Variants in RANBP2 observed in about 807,000 individuals in gnomAD.
RANBP2 encodes the protein RAN binding protein 2.
In RANBP2, 57 loss-of-function variants were observed where a neutral mutation model predicts 303.6. The observed-to-expected ratio is 0.19, with a 90% CI of 0.15 to 0.23. The LOEUF (loss-of-function observed/expected upper bound fraction) is 0.23, where lower values mean the gene tolerates loss of function less well. RANBP2 is among the 10% of genes least tolerant of loss of function. RANBP2 has a pLI of 1.00. For synonymous variants in RANBP2, 1,167 were observed against 1,301.5 expected (o/e 0.90, Z 2.23); for missense variants, 3,138 against 3,780.8 (o/e 0.83, Z 4.46).
At chr2:109,524,111 G>A in the RANBP2 span, among the ~76,000 whole-genome samples, 4 of 152,188 alleles carry the variant, frequency 2.6e-5, no homozygotes, top group Admixed American at 6.5e-5. Flanking sequence ...GTGGGCCTCC[G>A]TTCTGCACAT....
At chr2:109,190,370 C>T in the RANBP2 span, among the ~76,000 whole-genome samples, 124 of 152,308 alleles carry the variant, frequency 8.1e-4, 1 homozygote, top group South Asian at 9.9e-3. Flanking sequence ...GATGGGGTTT[C>T]GCCATGTTGG....
chr2:109,459,571 C>G, the RANBP2 span, among the ~76,000 whole-genome samples: 4 of 152,178 alleles, frequency 2.6e-5, no homozygotes, highest in Admixed American at 2.6e-4. Context: ...CCCAGACATG[C>G]TCTTGCCCAT....
chr2:109,090,906 CCA>C, the RANBP2 span, among the ~76,000 whole-genome samples: 1 of 152,094 alleles, frequency 6.6e-6, no homozygotes. Flanking sequence ...TACAATTTTC[CCA>C]CAACCTGCCA....
At chr2:109,501,170 G>A in the RANBP2 span, among the ~76,000 whole-genome samples, 6 of 152,080 alleles carry the variant, frequency 3.9e-5, no homozygotes, top group South Asian at 2.1e-4. Flanking sequence ...CTGGGAGGCC[G>A]CAGTCTAGGT....
chr2:109,208,789 A>G, the RANBP2 span, among the ~76,000 whole-genome samples: 2 of 152,196 alleles, frequency 1.3e-5, no homozygotes, highest in East Asian at 1.9e-4. Context: ...CTAGAAATAC[A>G]TGTGTTGAGC....
At chr2:109,589,708 T>C in the RANBP2 span, among the ~76,000 whole-genome samples, 1 of 151,790 alleles carries the variant, frequency 6.6e-6, no homozygotes, top group Non-Finnish European at 1.5e-5. Flanking sequence ...CAGTTTCCTA[T>C]GAAGTTAAAC....
At chr2:109,447,779 A>G in the RANBP2 span, among the ~76,000 whole-genome samples, 1 of 152,198 alleles carries the variant, frequency 6.6e-6, no homozygotes, top group East Asian at 1.9e-4. Context: ...GCTGTGTTTA[A>G]AGGGAGCTGT....
chr2:109,339,366 A>G, the RANBP2 span, among the ~76,000 whole-genome samples: 1 of 152,164 alleles, frequency 6.6e-6, no homozygotes, highest in African/African-American at 2.4e-5. Flanking sequence ...GGTTGAAATA[A>G]GGACCTACAA....
chr2:108,723,641 C>A lies in RANBP2; in HGVS notation c.72+3963C>A, dbSNP rs184674223. On this transcript the variant is annotated intron_variant, in intron 1 of 28. Transcript: ENST00000283195. ...ACTGTCCTCAGACACTTTGGTTTGC[C>A]CCTCATTCTTTCAGTACTGTTATTG... Among the ~76,000 whole-genome samples the A allele has an allele frequency of 1.3e-4, 20 of 152,140 alleles. No homozygotes were observed. The East Asian group carries it at 3.9e-3, about 29-fold the overall frequency.
chr2:109,350,878 G>T, the RANBP2 span, among the ~76,000 whole-genome samples: 1 of 152,224 alleles, frequency 6.6e-6, no homozygotes, highest in East Asian at 1.9e-4. Flanking sequence ...GAGGAAAGAA[G>T]GGTCTCTGAA....
chr2:109,004,937 C>T, the RANBP2 span, among the ~76,000 whole-genome samples: 12 of 152,310 alleles, frequency 7.9e-5, no homozygotes, highest in South Asian at 2.1e-3. Flanking sequence ...CTATTGTCCA[C>T]GCTATCACTA....
chr2:109,531,416 T>G, the RANBP2 span, among the ~76,000 whole-genome samples: 1 of 152,126 alleles, frequency 6.6e-6, no homozygotes, highest in Non-Finnish European at 1.5e-5. Flanking sequence ...CACTGCGCAC[T>G]TACAAAGGGA....
chr2:109,294,283 C>T, the RANBP2 span, among the ~76,000 whole-genome samples: 519 of 152,112 alleles, frequency 3.4e-3, 4 homozygotes, highest in African/African-American at 0.012. Context: ...ATTGCTGTGC[C>T]GTGTGCGGTG....
the RANBP2 span, among the ~76,000 whole-genome samples, chr2:109,672,235 A>G: frequency 6.6e-6 from 1 of 152,268 alleles, no homozygotes; most frequent in African/African-American, 2.4e-5. Flanking sequence ...AAGGAATCAA[A>G]AAATGAAGCA....
chr2:109,102,883 C>A, the RANBP2 span, among the ~76,000 whole-genome samples: 1 of 152,150 alleles, frequency 6.6e-6, no homozygotes, highest in South Asian at 2.1e-4. Context: ...TAATGAATTG[C>A]TTTGTTCTAA....
At chr2:109,713,752 A>G in the RANBP2 span, among the ~76,000 whole-genome samples, 2 of 152,212 alleles carry the variant, frequency 1.3e-5, no homozygotes, top group African/African-American at 4.8e-5. Flanking sequence ...ATTAAAGGGC[A>G]TCTGCAAAGA....
At chr2:109,717,123 A>G in the RANBP2 span, among the ~76,000 whole-genome samples, 2 of 152,218 alleles carry the variant, frequency 1.3e-5, no homozygotes, top group African/African-American at 4.8e-5. Context: ...GATCTTATAT[A>G]CAGAAAATCC....
chr2:108,796,287 C>T, the RANBP2 span, among the ~76,000 whole-genome samples: 2 of 151,874 alleles, frequency 1.3e-5, no homozygotes, highest in Non-Finnish European at 2.9e-5. Context: ...ATCTCCTGAC[C>T]TCGTGATCCG....
chr2:109,048,100 C>T, the RANBP2 span, among the ~76,000 whole-genome samples: 1,118 of 152,268 alleles, frequency 7.3e-3, 4 homozygotes, highest in Non-Finnish European at 0.012. Context: ...GCTTTCTAAA[C>T]GTCGGATAAT....
Sources: allele counts gnomAD v4.1 joint callset (sites outside exome capture counted in the v4.1 genomes callset), GRCh38; gene constraint gnomAD v4.1.1; transcripts MANE v1.5; gene names NCBI Gene and HGNC (gene_info 2026-07-23, HGNC 2026-07-21).